The following CASP2 variants were observed in gnomAD, a reference collection of about 807,000 sequenced individuals.
CASP2 encodes the protein caspase-2.
CASP2 carries 38 observed loss-of-function variants against 54.4 expected under a neutral mutation model. The ratio of observed to expected loss-of-function variants is 0.70; its 90% CI spans 0.54 to 0.92. CASP2 has a LOEUF of 0.92. CASP2 is among the 40% of genes least tolerant of loss of function. CASP2 has a pLI of 0.00. For missense variants in CASP2, 512 were observed against 579.6 expected, an observed-to-expected ratio of 0.88 and a Z score of 1.20; for synonymous variants, 215 against 216.3, an observed-to-expected ratio of 0.99 and a Z score of 0.05.
At chr7:143,292,041 G>A (rs1305157620) in intron 2 of CASP2, among the ~76,000 whole-genome samples, 5 of 152,004 alleles carry the variant, frequency 3.3e-5, no homozygotes, top group Non-Finnish European at 7.4e-5. Flanking sequence ...GCCTCCCAAA[G>A]TGCTGGGATT....
At position 143,304,993 on chromosome 7, in the gene CASP2, C is replaced by T; in HGVS notation, c.1281C>T (p.His427=). 2 of 1,614,160 alleles carry T rather than the reference C, an allele frequency of 1.2e-6. No homozygotes were observed. The highest frequency in any genetic ancestry group is 1.7e-6 in the Non-Finnish European group (2 of 1,179,996). Residue 427 remains histidine, a synonymous_variant, in exon 11 of 11, where the codon CAC becomes CAT. Transcript: ENST00000310447. ...REGYAPGTEF[H]RCKEMSEYCS... ...GTTATGCTCCTGGCACAGAATTCCA[C>T]CGGTGCAAGGAGATGTCTGAATACT...
intron 1 of CASP2, chr7:143,291,049 T>C (rs1801541194): frequency 6.1e-6 from 1 of 163,084 alleles, no homozygotes. Flanking sequence ...ATATCACTAG[T>C]GAAAGAGAGT....
chr7:143,294,286 C>T lies in CASP2; in HGVS notation c.532C>T (p.Pro178Ser), dbSNP rs4647298. 6 of 1,611,636 alleles carry T rather than the reference C, an allele frequency of 3.7e-6. No individual in the cohort carries two copies. Among genetic ancestry groups the T allele is most frequent in the African/African-American group, 2.7e-5 (2 of 74,866 alleles). ...KDGPVCLQVK[P>S]CTPEFYQTHF... The stretch of plus-strand genomic sequence containing the variant: ...TGGTCCTGTCTGCCTTCAGGTGAAG[C>T]CTTGCACTCCTGAATTTTATCAAAC... The change falls in exon 5 of 11, where the codon CCT becomes TCT. Residue 178 changes from proline (P) to serine (S), a missense_variant. This residue lies in a region of CASP2 where 417 missense variants were observed against 495.4 expected (regional missense o/e 0.84). Coordinates refer to ENST00000310447, the MANE Select transcript of CASP2 (RefSeq NM_032982.4).
chr7:143,304,120 G>A (rs1376596683), intron 9 of CASP2, among the ~76,000 whole-genome samples, 187 bp downstream of exon 9: 2 of 152,048 alleles, frequency 1.3e-5, no homozygotes, highest in Non-Finnish European at 1.5e-5. Context: ...TGAGTATCCC[G>A]TATCCAAATA....
rs772294864 is a variant in CASP2 at position 143,294,665 on chromosome 7, G to C, written c.639G>C (p.Glu213Asp). The C allele has an allele frequency of 6.2e-7, 1 of 1,614,244 alleles. No homozygotes were observed. The change falls in exon 6 of 11, where the codon GAG becomes GAC. Residue 213 changes from glutamate (E) to aspartate (D), a missense_variant. Glu to Asp is a conservative substitution (Grantham distance 45). This residue lies in a region of CASP2 where 417 missense variants were observed against 495.4 expected (regional missense o/e 0.84). Transcript: ENST00000310447. ...TGAGCAATGTGCACTTCACTGGAGAGAAAGAACTGGAATTTCGCTCTGGAG... is the reference window on the plus strand; with the variant it reads ...TGAGCAATGTGCACTTCACTGGAGACAAAGAACTGGAATTTCGCTCTGGAG... ...LVLSNVHFTG[E>D]KELEFRSGGD...
At chr7:143,296,864 A>G (rs1801770288) in intron 6 of CASP2, among the ~76,000 whole-genome samples, 1 of 152,206 alleles carries the variant, frequency 6.6e-6, no homozygotes, top group Non-Finnish European at 1.5e-5. Context: ...TGCTGCAGTG[A>G]ACATGGGTAT....
At chr7:143,304,831 C>CT (rs1477121002) in intron 10 of CASP2, 48 bp downstream of exon 10, 1 of 1,604,700 alleles carries the variant, frequency 6.2e-7, no homozygotes, top group African/African-American at 1.3e-5. Flanking sequence ...CAGTGCTCTA[C>CT]TTTCCTCCTC....
intron 4 of CASP2, chr7:143,293,051 C>T (rs1801627967): frequency 1.6e-6 from 1 of 608,360 alleles, no homozygotes; most frequent in Middle Eastern, 4.2e-4. Context: ...GGGGGGTGTC[C>T]CAGATTGACT....
intron 8 of CASP2, chr7:143,301,060 A>G (rs1801902569): frequency 1.5e-5 from 5 of 326,324 alleles, no homozygotes; most frequent in African/African-American, 4.5e-5. Flanking sequence ...AGTTTCCTCA[A>G]TATAAAATGA....
At chr7:143,288,636 A>T (rs1028350210) in intron 1 of CASP2, 107 bp downstream of exon 1, 1 of 1,071,416 alleles carries the variant, frequency 9.3e-7, no homozygotes. Flanking sequence ...CCCGGAAAGC[A>T]GCCGTGTCCG....
intron 1 of CASP2, chr7:143,289,650 A>G: frequency 1.0e-6 from 1 of 976,724 alleles, no homozygotes; most frequent in Non-Finnish European, 1.2e-6. Flanking sequence ...AATCTGCTGC[A>G]CCACTGGTTA....
chr7:143,305,064 C>T lies in CASP2; in HGVS notation c.1352C>T (p.Pro451Leu). ...CTCTACCTGTTCCCAGGACACCCTC[C>T]CACATGATGTCACCTCCCCATCATC... is the stretch of plus-strand genomic sequence containing the variant. ...RHLYLFPGHP[P>L]T Residue 451 changes from proline to leucine, a missense_variant, in exon 11 of 11, where the codon CCC becomes CTC. This residue lies in a region of CASP2 where 417 missense variants were observed against 495.4 expected (regional missense o/e 0.84). Transcript: ENST00000310447. 1.2e-6 allele frequency: 2 copies of T among 1,614,228 alleles called. No individual in the cohort carries two copies. The highest frequency in any genetic ancestry group is 2.2e-5 in the South Asian group (2 of 91,078).
intron 8 of CASP2, chr7:143,301,268 A>G (rs1475899548): frequency 6.6e-6 from 1 of 151,902 alleles, no homozygotes; most frequent in Non-Finnish European, 1.5e-5. Flanking sequence ...TCAAATAATT[A>G]CTTTTTTAAT....
At chr7:143,293,504 GGTTTTTT>G (rs916096527) in intron 4 of CASP2, among the ~76,000 whole-genome samples, 22 of 150,968 alleles carry the variant, frequency 1.5e-4, no homozygotes, top group Non-Finnish European at 2.8e-4. Context: ...AGGAGTTTGT[GGTTTTTT>G]GTTTTTTTTT....
At position 143,291,483 on chromosome 7, in the gene CASP2, C is replaced by T. The variant is rs954215546; in HGVS notation, c.75-57C>T. ...CTTCCTATTCATGCCTCTTCCACTC[C>T]ACTCTTCTGTGTCAAATTGTGACTT... On this transcript the variant is annotated intron_variant, in intron 1 of 10. Transcript: ENST00000310447. 26 of 1,551,634 alleles carry T rather than the reference C, an allele frequency of 1.7e-5. No homozygotes were observed. The Admixed American group carries it at 4.2e-4, about 25-fold the overall frequency.
At chr7:143,293,311 A>G (rs897847557) in intron 4 of CASP2, 12 of 439,112 alleles carry the variant, frequency 2.7e-5, no homozygotes, top group East Asian at 6.8e-5. Context: ...AATTTTTTGT[A>G]GAGAAGGAGT....
Position 143,303,930 on chromosome 7 carries a change from A to G in CASP2, c.1114A>G (p.Lys372Glu). 6.3e-7 allele frequency: 1 copy of G among 1,590,422 alleles called. No individual in the cohort carries two copies. Among genetic ancestry groups the G allele is most frequent in the Non-Finnish European group, 8.6e-7 (1 of 1,167,798 alleles). ...SDMICGYACL[K>E]GTAAMRNTKR... ...CATGATATGCGGCTATGCCTGCCTCAAAGGTACTTTGAGTTCCAAAAGAGT... is the reference window on the plus strand; with the variant it reads ...CATGATATGCGGCTATGCCTGCCTCGAAGGTACTTTGAGTTCCAAAAGAGT... The change falls in exon 9 of 11, where the codon AAA becomes GAA. Residue 372 changes from lysine to glutamate, a missense_variant. By Grantham distance (56) the Lys-to-Glu change is moderately conservative (BLOSUM62 1). Coordinates refer to ENST00000310447, the MANE Select transcript of CASP2 (RefSeq NM_032982.4).
chr7:143,300,441 G>A, intron 8 of CASP2, 147 bp downstream of exon 8: 1 of 1,596,958 alleles, frequency 6.3e-7, no homozygotes. Flanking sequence ...CTCTTGCTCT[G>A]TAAGTGTCTC....
intron 6 of CASP2, among the ~76,000 whole-genome samples, chr7:143,296,391 A>C (rs949504428): frequency 2.0e-5 from 3 of 152,236 alleles, no homozygotes; most frequent in African/African-American, 7.2e-5. Flanking sequence ...GTGTCCTCTT[A>C]TATTCCTAAC....
Sources: allele counts gnomAD v4.1 joint callset (sites outside exome capture counted in the v4.1 genomes callset), GRCh38; gene constraint gnomAD v4.1.1; regional missense constraint gnomAD v4.1.1; transcripts MANE v1.5; gene names NCBI Gene and HGNC (gene_info 2026-07-23, HGNC 2026-07-21).